The following CFLAR variants were observed in gnomAD, a reference collection of about 807,000 sequenced individuals.
The protein encoded by CFLAR is CASP8 and FADD like apoptosis regulator.
CFLAR carries 14 observed loss-of-function variants against 51.1 expected under a neutral mutation model. The ratio of observed to expected loss-of-function variants is 0.27; its 90% confidence interval spans 0.18 to 0.43. The LOEUF is 0.43. CFLAR is among the 20% of genes least tolerant of loss of function. The probability of loss-of-function intolerance (pLI) is 1.00; values close to 1 mark genes in which losing one functional copy is unlikely to be tolerated. For synonymous variants in CFLAR, 210 were observed against 211.6 expected (o/e 0.99, Z 0.06); for missense variants, 390 against 566.5 (o/e 0.69, Z 3.16).
chr2:201,169,784 G>A lies in CFLAR; in HGVS notation c.*5811G>A, dbSNP rs867780113. On this transcript the variant is annotated 3_prime_UTR_variant, in exon 10 of 10. Coordinates refer to ENST00000309955, the MANE Select transcript of CFLAR (RefSeq NM_003879.7). ...AGGAAAAAAACAACCCCATCAAAAA[G>A]TGGACAAAGGACATGAACAGACACT... 5 of 152,206 alleles carry A rather than the reference G, an allele frequency of 3.3e-5. No homozygotes were observed. The Middle Eastern group carries it at 0.017, about 518-fold the overall frequency. The allele number at this position is 152,206 out of a possible 1,614,324, so 9.4% of individuals were successfully genotyped here.
At chr2:201,132,062 T>C (rs1179447207) in intron 2 of CFLAR, among the ~76,000 whole-genome samples, 5 of 152,176 alleles carry the variant, frequency 3.3e-5, no homozygotes, top group Non-Finnish European at 7.3e-5. Flanking sequence ...ATGTCAGTAA[T>C]CTTCAGACTT....
chr2:201,120,637 TTA>T (rs764450921), intron 1 of CFLAR, among the ~76,000 whole-genome samples: 7 of 134,984 alleles, frequency 5.2e-5, no homozygotes, highest in Non-Finnish European at 9.2e-5. Context: ...TCATAGTTAC[TTA>T]ACTCCAAGGT....
At chr2:201,136,659 G>A in intron 4 of CFLAR, 1 of 1,188,254 alleles carries the variant, frequency 8.4e-7, no homozygotes, top group African/African-American at 1.5e-5. Context: ...GGCTTTGTTA[G>A]CAAGTTCACT....
At chr2:201,132,430 A>AATATATATATATATATATAT (rs35648857) in intron 2 of CFLAR, among the ~76,000 whole-genome samples, 3 of 137,958 alleles carry the variant, frequency 2.2e-5, no homozygotes, top group African/African-American at 8.3e-5. Context: ...GGGGGGGAAA[A>AATATATATATATATATATAT]ATATATATAT....
intron 2 of CFLAR, among the ~76,000 whole-genome samples, chr2:201,131,812 T>C (rs1449625155): frequency 5.9e-5 from 9 of 152,184 alleles, no homozygotes; most frequent in African/African-American, 2.2e-4. Context: ...GCCTCAGATC[T>C]ACCAATTATG....
chr2:201,168,732 C>T lies in CFLAR; in HGVS notation c.*4759C>T, dbSNP rs1943824185. ...TCTAGAAAACCCCATTATCTCCACC[C>T]AAAAGTTCCTTAAGCTGATAAGCAA... On this transcript the variant is annotated 3_prime_UTR_variant, in exon 10 of 10. Coordinates refer to ENST00000309955, the MANE Select transcript of CFLAR (RefSeq NM_003879.7). 2 of 152,142 alleles carry T rather than the reference C, an allele frequency of 1.3e-5. No individual in the cohort carries two copies. The highest frequency in any genetic ancestry group is 6.5e-5 in the Admixed American group (1 of 15,276). 9.4% of individuals were successfully genotyped at this position (152,142 alleles called of 1,614,324 possible).
chr2:201,140,219 T>C, intron 4 of CFLAR, 138 bp from the exon 5 acceptor site: 1 of 1,049,384 alleles, frequency 9.5e-7, no homozygotes, highest in Non-Finnish European at 1.4e-6. Context: ...TCATCTGAAA[T>C]TTTGAATTCA....
rs752889951 is a variant in CFLAR, at chr2:201,141,479, G to A, written c.606+1040G>A. 5.9e-6 allele frequency: 9 copies of A among 1,533,712 alleles called. No individual in the cohort carries two copies. In the Admixed American group the frequency reaches 6.3e-5, roughly 11 times the overall value. On this transcript the variant is annotated intron_variant, in intron 5 of 9. Transcript: ENST00000309955. ...CTTAATCATTCTGAATGATTAAATC[G>A]TTTCATTTTCTAAATGTGTTATAAT...
Position 201,117,635 on chromosome 2 carries a change from G to A in CFLAR, c.-138+1154G>A, listed in dbSNP as rs191724356. On this transcript the variant is annotated intron_variant, in intron 1 of 9. Coordinates refer to ENST00000309955, the MANE Select transcript of CFLAR (RefSeq NM_003879.7). ...GCTCTGGAAGGTTTGACCTGCTTTA[G>A]AGAGAGATTTCCGATAAGAGGAACG... 1.8e-3 allele frequency among the ~76,000 whole-genome samples: 268 copies of A among 152,072 alleles called. 2 individuals carry two copies. The highest frequency in any genetic ancestry group is 6.1e-3 in the African/African-American group (252 of 41,506).
chr2:201,143,672 A>T (rs931052273), intron 5 of CFLAR, among the ~76,000 whole-genome samples: 5 of 151,676 alleles, frequency 3.3e-5, no homozygotes, highest in Admixed American at 1.3e-4. Flanking sequence ...TTATAGAATT[A>T]AAAAATTATG....
At position 201,160,670 on chromosome 2, in the gene CFLAR, A is replaced by G. The variant is rs762323411; in HGVS notation, c.1032A>G (p.Ser344=). The G allele has an allele frequency of 6.3e-5, 102 of 1,613,996 alleles. No homozygotes were observed. The highest frequency in any genetic ancestry group is 8.5e-5 in the Non-Finnish European group (100 of 1,180,024). Reference sequence around the variant, plus strand: ...TCAGGAGGATGTTCATGGGAGATTCATGCCCTTATCTAGCAGGGAAGCCAA... The same window carrying G: ...TCAGGAGGATGTTCATGGGAGATTCGTGCCCTTATCTAGCAGGGAAGCCAA... ...HHIRRMFMGD[S]CPYLAGKPKM... The change falls in exon 9 of 10, where the codon TCA becomes TCG. Residue 344 remains serine, a synonymous_variant. Transcript: ENST00000309955.
rs999003346 is a variant in CFLAR, at chr2:201,163,540, G to A, written c.1305-295G>A. ...TTCCAAGATAGATACTCCATGGGCC[G>A]GTGGTATTACTGGCCTTTTGAGCCC... On this transcript the variant is annotated intron_variant, in intron 9 of 9. Transcript: ENST00000309955. 7 of 1,192,216 alleles carry A rather than the reference G, an allele frequency of 5.9e-6. No homozygotes were observed. The South Asian group carries it at 6.5e-5, about 11-fold the overall frequency. The allele number at this position is 1,192,216 out of a possible 1,614,324, so 73.9% of individuals were successfully genotyped here.
Position 201,135,993 on chromosome 2 carries a change from G to C in CFLAR, c.409G>C (p.Glu137Gln). The change falls in exon 4 of 10, where the codon GAG (glutamate) becomes CAG (glutamine). Residue 137 changes from glutamate (E) to glutamine (Q), a missense_variant. Glu to Gln is a conservative substitution (Grantham distance 29, BLOSUM62 2). Around this residue, in one of 2 missense-constraint regions of CFLAR, gnomAD observed 103 missense variants for 202.9 expected, o/e 0.51. Coordinates refer to ENST00000309955, the MANE Select transcript of CFLAR (RefSeq NM_003879.7). ...KEKSFLDLVV[E>Q]LEKLNLVAPD... ...TTAGAGTTTCTTGGACCTTGTGGTT[G>C]AGTTGGAGAAACTAAATCTGGTTGC... is the stretch of plus-strand genomic sequence containing the variant. 6.2e-7 allele frequency: 1 copy of C among 1,612,194 alleles called. No homozygotes were observed. Among genetic ancestry groups the C allele is most frequent in the Non-Finnish European group, 8.5e-7 (1 of 1,179,584 alleles).
Position 201,176,313 on chromosome 2 carries a change from C to T in CFLAR, c.*12340C>T, listed in dbSNP as rs1036533555. On this transcript the variant is annotated 3_prime_UTR_variant, in exon 10 of 10. Transcript: ENST00000309955. ...GGGCGGGCGGGGGAGCTGCCTGTCCCTGGCACCACCTGTGACCAATTATTA... is the reference window on the plus strand; with the variant it reads ...GGGCGGGCGGGGGAGCTGCCTGTCCTTGGCACCACCTGTGACCAATTATTA... 3 of 150,348 alleles carry T rather than the reference C, an allele frequency of 2.0e-5. No individual in the cohort carries two copies. Among genetic ancestry groups the T allele is most frequent in the African/African-American group, 7.5e-5 (3 of 40,260 alleles). 9.3% of individuals were successfully genotyped at this position (150,348 alleles called of 1,614,324 possible).
chr2:201,140,356 G>A lies in CFLAR; in HGVS notation c.524-1G>A. 1 of 1,603,738 alleles carries A rather than the reference G, an allele frequency of 6.2e-7. No individual in the cohort carries two copies. The highest frequency in any genetic ancestry group is 8.5e-7 in the Non-Finnish European group (1 of 1,174,542). On this transcript the variant is annotated splice_acceptor_variant, in intron 4 of 9. Coordinates refer to ENST00000309955, the MANE Select transcript of CFLAR (RefSeq NM_003879.7). LOFTEE classifies it high-confidence loss of function. ...TCAGTACCTCCCTTCTGCTTTTATA[G>A]TTCAAGGAGCAGGGACAAGTTACAG...
intron 9 of CFLAR, among the ~76,000 whole-genome samples, chr2:201,161,480 C>A (rs1008365316): frequency 6.7e-5 from 10 of 150,052 alleles, no homozygotes; most frequent in Non-Finnish European, 1.2e-4. Flanking sequence ...TTGGCGCAAT[C>A]TTGGCTCACT....
At chr2:201,126,142 A>G (rs922552453) in intron 1 of CFLAR, among the ~76,000 whole-genome samples, 1 of 152,112 alleles carries the variant, frequency 6.6e-6, no homozygotes, top group Non-Finnish European at 1.5e-5. Flanking sequence ...AAGTTCTCTC[A>G]GCCTCGAAGA....
At chr2:201,137,402 A>G in intron 4 of CFLAR, 1 of 409,810 alleles carries the variant, frequency 2.4e-6, no homozygotes, top group Non-Finnish European at 4.6e-6. Flanking sequence ...CCTGGAAAGG[A>G]GCTGGGGAAC....
intron 6 of CFLAR, chr2:201,146,498 G>C (rs1353197631): frequency 1.3e-5 from 2 of 152,178 alleles, no homozygotes; most frequent in Non-Finnish European, 2.9e-5. Flanking sequence ...GGTCAGGCTG[G>C]TCTCAAACTG....
Sources: allele counts gnomAD v4.1 joint callset (sites outside exome capture counted in the v4.1 genomes callset), GRCh38; gene constraint gnomAD v4.1.1; regional missense constraint gnomAD v4.1.1; transcripts MANE v1.5; gene names NCBI Gene and HGNC (gene_info 2026-07-23, HGNC 2026-07-21).